Variants in GLI3 observed in about 807,000 individuals in gnomAD.
GLI3 encodes GLI family zinc finger 3, also known as transcription activator GLI3.
A neutral mutation model predicts 100.8 loss-of-function variants in GLI3; 20 were observed. The ratio of observed to expected loss-of-function variants is 0.20; its 90% confidence interval spans 0.14 to 0.29. GLI3 has a LOEUF of 0.29. Among genes scored for constraint, GLI3 ranks in the 10% least tolerant of loss-of-function variants. GLI3 has a pLI of 1.00. For missense variants in GLI3, 2,040 were observed against 2,128.5 expected (o/e 0.96, Z 0.82); for synonymous variants, 938 against 860.5 (o/e 1.09, Z -1.58).
At chr7:42,098,920 TGG>T (rs1267208890) in intron 3 of GLI3, among the ~76,000 whole-genome samples, 2 of 152,120 alleles carry the variant, frequency 1.3e-5, no homozygotes, top group East Asian at 3.9e-4. Context: ...TAAGCTTGCG[TGG>T]GTAGAAGAGG....
Position 42,219,163 on chromosome 7 carries a change from A to G in GLI3, c.124+3967T>C, listed in dbSNP as rs973488384. Among the ~76,000 whole-genome samples, 3 of 152,252 alleles carry G rather than the reference A, an allele frequency of 2.0e-5. 1 individual carries two copies. Among genetic ancestry groups the G allele is most frequent in the African/African-American group, 4.8e-5 (2 of 41,466 alleles). On this transcript the variant is annotated intron_variant, in intron 2 of 14. Coordinates refer to ENST00000395925, the MANE Select transcript of GLI3 (RefSeq NM_000168.6). Reference sequence around the variant, plus strand: ...TTTAAAGTCAACAATTATACCTAAGATCTGCATGCATACTTTCTATGGGAA... The same window carrying G: ...TTTAAAGTCAACAATTATACCTAAGGTCTGCATGCATACTTTCTATGGGAA...
At chr7:42,100,781 C>T (rs1183289367) in intron 3 of GLI3, among the ~76,000 whole-genome samples, 3 of 152,014 alleles carry the variant, frequency 2.0e-5, no homozygotes, top group Admixed American at 6.6e-5. Context: ...CACAGACACA[C>T]CACAGGAAGA....
At chr7:42,061,578 G>C (rs540437490) in intron 4 of GLI3, among the ~76,000 whole-genome samples, 1 of 152,142 alleles carries the variant, frequency 6.6e-6, no homozygotes, top group Non-Finnish European at 1.5e-5. Context: ...GGTGAAAAAA[G>C]TGAGCCCTTT....
chr7:42,114,960 C>T (rs113754354), intron 3 of GLI3, among the ~76,000 whole-genome samples: 191 of 152,002 alleles, frequency 1.3e-3, no homozygotes, highest in Middle Eastern at 6.8e-3. Context: ...CCTCAGCCTC[C>T]CAAAATATTG....
intron 3 of GLI3, chr7:42,118,057 A>G: frequency 3.0e-6 from 1 of 334,332 alleles, no homozygotes; most frequent in Admixed American, 4.8e-5. Context: ...ACAGGAAAAG[A>G]TAAGATGAAT....
intron 3 of GLI3, among the ~76,000 whole-genome samples, chr7:42,103,035 T>C (rs954871846): frequency 4.6e-5 from 7 of 152,122 alleles, no homozygotes; most frequent in African/African-American, 1.7e-4. Flanking sequence ...TTTTGGAGGG[T>C]AGAGAATCCG....
chr7:41,973,649 AAGCGTCATGAAAAGCAGGATT>A (rs1787426465), intron 12 of GLI3, among the ~76,000 whole-genome samples: 1 of 152,230 alleles, frequency 6.6e-6, no homozygotes, highest in East Asian at 1.9e-4. Flanking sequence ...TTACGTAAGC[AAGCGTCATGAAAAGCAGGATT>A]ACTATAATGT....
intron 3 of GLI3, among the ~76,000 whole-genome samples, chr7:42,079,490 C>T (rs768504234): frequency 3.8e-4 from 58 of 152,232 alleles, no homozygotes; most frequent in Non-Finnish European, 7.5e-4. Flanking sequence ...TTCTCTTCCA[C>T]ACCTTTCAGC....
intron 1 of GLI3, among the ~76,000 whole-genome samples, chr7:42,259,768 A>G (rs1383544240): frequency 2.0e-5 from 3 of 152,208 alleles, no homozygotes; most frequent in Non-Finnish European, 4.4e-5. Flanking sequence ...CACCAAAAGA[A>G]GACATTTAGG....
At chr7:42,052,646 C>T (rs575929342) in intron 4 of GLI3, among the ~76,000 whole-genome samples, 1 of 152,040 alleles carries the variant, frequency 6.6e-6, no homozygotes, top group African/African-American at 2.4e-5. Context: ...GTAGAACCAG[C>T]CAACAACACT....
upstream of GLI3, among the ~76,000 whole-genome samples, chr7:42,237,226 C>G (rs1463982916): frequency 6.6e-6 from 1 of 150,990 alleles, no homozygotes; most frequent in Non-Finnish European, 1.5e-5. Flanking sequence ...GCGCCGGTGG[C>G]GCTGCCCCTG....
intron 10 of GLI3, among the ~76,000 whole-genome samples, chr7:41,989,987 CAAA>C (rs60763223): frequency 9.5e-5 from 6 of 62,856 alleles, no homozygotes; most frequent in African/African-American, 2.4e-4. Flanking sequence ...ACTCTGTCTC[CAAA>C]AAAAAAAAAA....
intron 10 of GLI3, among the ~76,000 whole-genome samples, chr7:42,010,917 A>C (rs1270288411): frequency 6.6e-6 from 1 of 152,066 alleles, no homozygotes; most frequent in Non-Finnish European, 1.5e-5. Context: ...CCACAGCAAT[A>C]ATGTCCAGGA....
chr7:41,967,444 A>C, intron 14 of GLI3, 152 bp downstream of exon 14: 1 of 693,588 alleles, frequency 1.4e-6, no homozygotes, highest in Non-Finnish European at 2.6e-6. Context: ...GACAATCCCA[A>C]AAGGCAACTT....
At chr7:42,208,607 T>C (rs1223819996) in intron 2 of GLI3, among the ~76,000 whole-genome samples, 1 of 152,224 alleles carries the variant, frequency 6.6e-6, no homozygotes, top group African/African-American at 2.4e-5. Context: ...CTCTTGGTTT[T>C]GTTTCTTTTT....
At chr7:42,236,079 A>C (rs1039056304) in intron 1 of GLI3, among the ~76,000 whole-genome samples, 1 of 151,748 alleles carries the variant, frequency 6.6e-6, no homozygotes, top group Admixed American at 6.6e-5. Flanking sequence ...GCAATGGGGG[A>C]CAGGAGCACA....
chr7:42,160,026 G>A (rs1214991333), intron 2 of GLI3, among the ~76,000 whole-genome samples: 2 of 152,136 alleles, frequency 1.3e-5, no homozygotes, highest in Admixed American at 1.3e-4. Flanking sequence ...GCACTTAATC[G>A]GTATGTGACC....
intron 10 of GLI3, among the ~76,000 whole-genome samples, chr7:42,007,902 TA>T (rs369612424): frequency 4.0e-5 from 6 of 150,696 alleles, no homozygotes; most frequent in African/African-American, 1.5e-4. Context: ...TGTTTTATAA[TA>T]AAAAAATTAA....
chr7:42,218,319 G>A (rs886768462), intron 2 of GLI3, among the ~76,000 whole-genome samples: 4 of 151,962 alleles, frequency 2.6e-5, no homozygotes, highest in Non-Finnish European at 4.4e-5. Context: ...GGAGACAAGA[G>A]CTTATGGTGA....
Sources: allele counts gnomAD v4.1 joint callset (sites outside exome capture counted in the v4.1 genomes callset), GRCh38; gene constraint gnomAD v4.1.1; transcripts MANE v1.5; gene names NCBI Gene and HGNC (gene_info 2026-07-23, HGNC 2026-07-21).